OXSR1: variants seen among roughly 807,000 people sequenced by gnomAD.
OXSR1 encodes the protein serine/threonine-protein kinase OSR1.
OXSR1 carries 24 observed loss-of-function variants against 79.8 expected under a neutral mutation model. That is an observed-to-expected ratio of 0.30 (90% CI 0.22 to 0.42). The LOEUF is 0.42. Ranked by LOEUF, OXSR1 falls within the 10% of genes least tolerant of loss-of-function variation. OXSR1 has a pLI of 1.00. For missense variants in OXSR1, 430 were observed against 618.4 expected, an observed-to-expected ratio of 0.70 and a Z score of 3.23; for synonymous variants, 226 against 209.2, an observed-to-expected ratio of 1.08 and a Z score of -0.69.
chr3:38,169,504 C>T (rs1701534207), intron 1 of OXSR1, among the ~76,000 whole-genome samples: 1 of 151,988 alleles, frequency 6.6e-6, no homozygotes, highest in African/African-American at 2.4e-5. Flanking sequence ...TGGGGTTTCA[C>T]CATATTGGGC....
chr3:38,216,209 T>C (rs1702480289), intron 5 of OXSR1, 58 bp downstream of exon 5: 6 of 1,051,938 alleles, frequency 5.7e-6, no homozygotes, highest in South Asian at 4.2e-5. Flanking sequence ...ACATTACTTA[T>C]CTTTTATGTT....
Position 38,165,958 on chromosome 3 carries a change from C to T in OXSR1, c.70+12C>T, listed in dbSNP as rs776465777. ...GCAGGAGGTGATCGGTGAGAGCAGG[C>T]GCTGCGGAGGGGGGAGGCGCGGCGC... On this transcript the variant is annotated intron_variant, in intron 1 of 17. Transcript: ENST00000311806. 6 of 1,607,580 alleles carry T rather than the reference C, an allele frequency of 3.7e-6. No individual in the cohort carries two copies. The highest frequency in any genetic ancestry group is 5.1e-6 in the Non-Finnish European group (6 of 1,177,438).
At chr3:38,180,771 C>A (rs1277022527) in intron 1 of OXSR1, among the ~76,000 whole-genome samples, 1 of 151,634 alleles carries the variant, frequency 6.6e-6, no homozygotes, top group South Asian at 2.1e-4. Context: ...TGGACTCAGG[C>A]GATCTGCTCA....
intron 5 of OXSR1, among the ~76,000 whole-genome samples, chr3:38,220,845 A>G (rs1457837907): frequency 6.6e-6 from 1 of 152,182 alleles, no homozygotes; most frequent in Non-Finnish European, 1.5e-5. Flanking sequence ...ATACACAACC[A>G]GGGCTATTTA....
intron 3 of OXSR1, chr3:38,193,224 T>G (rs906868775): frequency 7.9e-6 from 10 of 1,260,866 alleles, no homozygotes; most frequent in Non-Finnish European, 9.3e-6. Flanking sequence ...TAATAAGCCC[T>G]TGTTATTTGA....
At chr3:38,232,838 A>C (rs562105193) in intron 10 of OXSR1, among the ~76,000 whole-genome samples, 2 of 152,326 alleles carry the variant, frequency 1.3e-5, no homozygotes, top group African/African-American at 4.8e-5. Flanking sequence ...TGAAAGCTGC[A>C]ACCAAATTTT....
At chr3:38,237,445 G>T (rs1438257674) in intron 11 of OXSR1, among the ~76,000 whole-genome samples, 1 of 152,110 alleles carries the variant, frequency 6.6e-6, no homozygotes, top group African/African-American at 2.4e-5. Flanking sequence ...CATCACTCTT[G>T]CCTAAAAGCA....
chr3:38,229,756 AT>A (rs1378253319), intron 9 of OXSR1, 21 bp downstream of exon 9: 31 of 1,587,608 alleles, frequency 2.0e-5, no homozygotes, highest in Non-Finnish European at 2.6e-5. Context: ...CCAGCTTTTG[AT>A]TATGTGTGTT....
intron 3 of OXSR1, among the ~76,000 whole-genome samples, chr3:38,192,546 T>C (rs953270051): frequency 7.9e-5 from 12 of 152,234 alleles, no homozygotes; most frequent in African/African-American, 2.9e-4. Flanking sequence ...TGAATCTCTT[T>C]TCCTTTACAC....
At chr3:38,227,545 CCACACA>C (rs58097834) in intron 8 of OXSR1, among the ~76,000 whole-genome samples, 7,870 of 138,378 alleles carry the variant, frequency 0.057, 385 homozygotes, top group African/African-American at 0.13. Context: ...GTATGCACAT[CCACACA>C]CACACACACA....
rs1478240695 is a variant in OXSR1 at position 38,236,958 on chromosome 3, C to T, written c.1071C>T (p.Leu357=). Residue 357 remains leucine, a synonymous_variant, in exon 11 of 18, where the codon CTC becomes CTT. Transcript: ENST00000311806. ...AAGGGAAAGCAGCAATTTCACAACT[C>T]AGGGTAAATTTTATTAAACTGTGTA... ...SEEGKAAISQ[L]RSPRVKESIS... is the part of the protein sequence containing the mutation. The T allele has an allele frequency of 1.2e-6, 2 of 1,610,456 alleles. No homozygotes were observed. The highest frequency in any genetic ancestry group is 1.3e-5 in the African/African-American group (1 of 74,746).
At chr3:38,164,422 A>T (rs1426514180), upstream of OXSR1, among the ~76,000 whole-genome samples, 1 of 152,180 alleles carries the variant, frequency 6.6e-6, no homozygotes, top group African/African-American at 2.4e-5. Context: ...TTGGGATTAC[A>T]GGCGTGAGCC....
In OXSR1 at chr3:38,229,711, G is replaced by A. The variant is rs1280309641; in HGVS notation, c.861G>A (p.Arg287=). Residue 287 remains arginine, a synonymous_variant, in exon 9 of 18, where the codon AGG becomes AGA. Coordinates refer to ENST00000311806, the MANE Select transcript of OXSR1 (RefSeq NM_005109.3). ...EKRPTAAELL[R]HKFFQKAKNK... is the part of the protein sequence containing the mutation. ...GACCAACAGCAGCAGAACTATTAAG[G>A]CACAAATTTTTCCAGAAAGCAAAGG... 1 of 1,611,654 alleles carries A rather than the reference G, an allele frequency of 6.2e-7. No homozygotes were observed. Among genetic ancestry groups the A allele is most frequent in the African/African-American group, 1.3e-5 (1 of 74,932 alleles).
intron 1 of OXSR1, among the ~76,000 whole-genome samples, chr3:38,176,536 A>G (rs1701680005): frequency 1.3e-5 from 2 of 152,222 alleles, no homozygotes; most frequent in Non-Finnish European, 2.9e-5. Flanking sequence ...ATACTTTTCA[A>G]TTGCTGAAGA....
At chr3:38,251,365 G>C in intron 15 of OXSR1, 38 bp from the exon 16 acceptor site, 1 of 1,554,180 alleles carries the variant, frequency 6.4e-7, no homozygotes, top group Non-Finnish European at 8.9e-7. Flanking sequence ...TGGCAAGCAC[G>C]CACAAAAAAC....
intron 5 of OXSR1, among the ~76,000 whole-genome samples, chr3:38,220,228 CA>C (rs1702562571): frequency 6.6e-6 from 1 of 152,008 alleles, no homozygotes; most frequent in African/African-American, 2.4e-5. Context: ...GCAATTATTT[CA>C]AATAATTGTT....
intron 4 of OXSR1, among the ~76,000 whole-genome samples, chr3:38,209,383 AT>A (rs545127148): frequency 2.7e-4 from 39 of 145,616 alleles, no homozygotes; most frequent in Admixed American, 3.4e-4. Flanking sequence ...ATGCCTGGCT[AT>A]TTTTTTTTTT....
intron 8 of OXSR1, among the ~76,000 whole-genome samples, chr3:38,227,329 A>G (rs1393185257): frequency 6.6e-6 from 1 of 152,172 alleles, no homozygotes; most frequent in Non-Finnish European, 1.5e-5. Flanking sequence ...CAGAGAGGTT[A>G]AGTAACCTTC....
chr3:38,184,477 C>T (rs1368833109), intron 2 of OXSR1, among the ~76,000 whole-genome samples: 4 of 152,046 alleles, frequency 2.6e-5, no homozygotes, highest in South Asian at 2.1e-4. Context: ...CGATAAACTG[C>T]GAACTAATTC....
Sources: gnomAD v4.1 joint callset for allele counts (sites outside exome capture counted in the v4.1 genomes callset) on GRCh38, gnomAD v4.1.1 for gene constraint, MANE v1.5 for transcripts, NCBI Gene and HGNC (gene_info 2026-07-23, HGNC 2026-07-21) for gene names.